ITPK1: variants seen among roughly 807,000 people sequenced by gnomAD.
ITPK1 encodes inositol-tetrakisphosphate 1-kinase, also known as inositol 1,3,4-trisphosphate 5/6-kinase.
A neutral mutation model predicts 45.3 loss-of-function variants in ITPK1; 21 were observed. The ratio of observed to expected loss-of-function variants is 0.46; its 90% CI spans 0.33 to 0.67. ITPK1 has a LOEUF of 0.67. Ranked by LOEUF, ITPK1 falls within the 30% of genes least tolerant of loss-of-function variation. ITPK1 has a pLI of 0.02. For missense variants in ITPK1, 474 were observed against 573.5 expected, an observed-to-expected ratio of 0.83 and a Z score of 1.77; for synonymous variants, 258 against 253.6, an observed-to-expected ratio of 1.02 and a Z score of -0.16.
intron 5 of ITPK1, among the ~76,000 whole-genome samples, chr14:92,967,628 T>C (rs1206356572): frequency 1.3e-5 from 2 of 152,190 alleles, no homozygotes; most frequent in Non-Finnish European, 2.9e-5. Context: ...GCATTACTCA[T>C]CATAGTCCAA....
intron 9 of ITPK1, among the ~76,000 whole-genome samples, chr14:92,947,184 A>G (rs555337809): frequency 1.6e-4 from 25 of 152,234 alleles, no homozygotes; most frequent in Non-Finnish European, 3.5e-4. Context: ...TTCCTTCCCA[A>G]AAAATGCTGT....
intron 3 of ITPK1, among the ~76,000 whole-genome samples, chr14:93,035,960 G>A (rs1249319519): frequency 6.6e-6 from 1 of 152,224 alleles, no homozygotes; most frequent in African/African-American, 2.4e-5. Flanking sequence ...CCAAGTGGCT[G>A]CCTCTTCCCA....
At chr14:93,066,120 G>A (rs2139961222) in intron 3 of ITPK1, 1 of 335,918 alleles carries the variant, frequency 3.0e-6, no homozygotes, top group Non-Finnish European at 6.0e-6. Context: ...TTTTTAGCAA[G>A]CACAGACCCT....
intron 9 of ITPK1, among the ~76,000 whole-genome samples, chr14:92,951,030 C>T (rs1887931262): frequency 6.6e-6 from 1 of 152,188 alleles, no homozygotes; most frequent in Non-Finnish European, 1.5e-5. Context: ...TCTGGGGCAG[C>T]CCCCCGAGGG....
chr14:93,084,352 C>G (rs1397337562), intron 2 of ITPK1, among the ~76,000 whole-genome samples: 1 of 152,180 alleles, frequency 6.6e-6, no homozygotes, highest in East Asian at 1.9e-4. Context: ...ATTGTCACAC[C>G]GAGGAAAGTG....
At chr14:93,093,943 C>A (rs1351248932) in intron 2 of ITPK1, among the ~76,000 whole-genome samples, 1 of 152,236 alleles carries the variant, frequency 6.6e-6, no homozygotes, top group Non-Finnish European at 1.5e-5. Context: ...CCTGTGCAAC[C>A]CGGCCTCAAA....
At chr14:92,945,724 C>T (rs1427125232) in intron 10 of ITPK1, among the ~76,000 whole-genome samples, 1 of 152,170 alleles carries the variant, frequency 6.6e-6, no homozygotes, top group Non-Finnish European at 1.5e-5. Flanking sequence ...CTCCTGCGGT[C>T]CCCATAGGGC....
chr14:93,102,696 C>T (rs1193252127), intron 2 of ITPK1, among the ~76,000 whole-genome samples: 1 of 152,096 alleles, frequency 6.6e-6, no homozygotes, highest in Non-Finnish European at 1.5e-5. Context: ...GTGGCTCAAG[C>T]CTATAATCCC....
chr14:93,007,124 A>T (rs1330712677), intron 4 of ITPK1, among the ~76,000 whole-genome samples: 1 of 152,196 alleles, frequency 6.6e-6, no homozygotes, highest in Non-Finnish European at 1.5e-5. Context: ...GAACAACAGG[A>T]GGGCAAGAAA....
intron 2 of ITPK1, among the ~76,000 whole-genome samples, chr14:93,086,247 A>ATT (rs1862279261): frequency 6.6e-6 from 1 of 152,302 alleles, no homozygotes; most frequent in African/African-American, 2.4e-5. Context: ...AAATAGCAGC[A>ATT]TAAGTGTGTG....
At chr14:93,096,525 G>A (rs573000496) in intron 2 of ITPK1, among the ~76,000 whole-genome samples, 1 of 152,340 alleles carries the variant, frequency 6.6e-6, no homozygotes, top group South Asian at 2.1e-4. Flanking sequence ...AAACAGCTCT[G>A]CAGAGGATGC....
Position 93,026,652 on chromosome 14 carries a change from C to T in ITPK1, c.121-9851G>A, listed in dbSNP as rs146002845. 6.0e-4 allele frequency among the ~76,000 whole-genome samples: 91 copies of T among 152,322 alleles called. No homozygotes were observed. The South Asian group carries it at 0.014, about 24-fold the overall frequency. On this transcript the variant is annotated intron_variant, in intron 3 of 10. Transcript: ENST00000267615. ...CACAGGGTGAACTCACCCACATATGCACTCACACACATTGCTGCACTGTTT... is the reference window on the plus strand; with the variant it reads ...CACAGGGTGAACTCACCCACATATGTACTCACACACATTGCTGCACTGTTT...
intron 10 of ITPK1, 94 bp from the exon 11 acceptor site, chr14:92,941,998 G>C (rs1353595387): frequency 9.4e-7 from 1 of 1,062,070 alleles, no homozygotes; most frequent in African/African-American, 1.6e-5. Flanking sequence ...TGGGCTCCTG[G>C]GATGAGGCAG....
chr14:92,970,357 G>T (rs537393919), intron 5 of ITPK1, among the ~76,000 whole-genome samples: 1 of 152,206 alleles, frequency 6.6e-6, no homozygotes, highest in Non-Finnish European at 1.5e-5. Context: ...CCTGGCACAC[G>T]ACAGGCACCC....
chr14:93,002,494 C>G (rs1887402633), intron 4 of ITPK1, among the ~76,000 whole-genome samples: 1 of 152,166 alleles, frequency 6.6e-6, no homozygotes, highest in Non-Finnish European at 1.5e-5. Context: ...CATGGAAGGC[C>G]TGGCGAAATG....
Position 93,014,620 on chromosome 14 carries a change from G to A in ITPK1, c.246+2056C>T, listed in dbSNP as rs1021098542. Among the ~76,000 whole-genome samples, 2 of 152,210 alleles carry A rather than the reference G, an allele frequency of 1.3e-5. No individual in the cohort carries two copies. Among genetic ancestry groups the A allele is most frequent in the African/African-American group, 4.8e-5 (2 of 41,444 alleles). ...AAGTTTTGGAACAAGGATCTGCCTTGAAGACAGTTTGACTCCCAAGTCCTC... is the reference window on the plus strand; with the variant it reads ...AAGTTTTGGAACAAGGATCTGCCTTAAAGACAGTTTGACTCCCAAGTCCTC... On this transcript the variant is annotated intron_variant, in intron 4 of 10. Coordinates refer to ENST00000267615, the MANE Select transcript of ITPK1 (RefSeq NM_014216.6). The surrounding 1 kb of genome is among the most constrained non-coding windows in gnomAD (Gnocchi z 4.4).
intron 4 of ITPK1, among the ~76,000 whole-genome samples, chr14:93,006,042 C>T (rs1887597191): frequency 1.3e-5 from 2 of 152,180 alleles, no homozygotes; most frequent in South Asian, 4.1e-4. Flanking sequence ...CTGATGGCTG[C>T]CCCCCAAGAT....
chr14:93,107,254 A>T (rs1892563368), intron 2 of ITPK1, among the ~76,000 whole-genome samples: 1 of 152,214 alleles, frequency 6.6e-6, no homozygotes, highest in Non-Finnish European at 1.5e-5. Flanking sequence ...CATCACACCC[A>T]GCCACTAACA....
chr14:93,087,838 T>C (rs1248052365), intron 2 of ITPK1, among the ~76,000 whole-genome samples: 1 of 152,186 alleles, frequency 6.6e-6, no homozygotes, highest in Non-Finnish European at 1.5e-5. Flanking sequence ...TACCCGCAGA[T>C]TCCCAAGGGG....
Sources: allele counts gnomAD v4.1 joint callset (sites outside exome capture counted in the v4.1 genomes callset), GRCh38; gene constraint gnomAD v4.1.1; non-coding constraint Gnocchi (gnomAD v3.1); transcripts MANE v1.5; gene names NCBI Gene and HGNC (gene_info 2026-07-23, HGNC 2026-07-21).